Variants in CCDC148 observed in about 807,000 individuals in gnomAD.
CCDC148 encodes the protein coiled-coil domain containing 148, also known as coiled-coil domain-containing protein 148.
A neutral mutation model predicts 85.7 loss-of-function variants in CCDC148; 89 were observed. That is an observed-to-expected ratio of 1.04 (90% CI 0.87 to 1.24). The LOEUF is 1.24. Ranked by LOEUF, CCDC148 falls within the 50% of genes most tolerant of loss-of-function variation. The probability of loss-of-function intolerance (pLI) is 0.00; values close to 1 mark genes in which losing one functional copy is unlikely to be tolerated. For synonymous variants in CCDC148, 230 were observed against 213.9 expected (o/e 1.08, Z -0.66); for missense variants, 692 against 671.7 (o/e 1.03, Z -0.33).
chr2:158,222,576 C>G (rs72936022), intron 10 of CCDC148, among the ~76,000 whole-genome samples: 2 of 152,214 alleles, frequency 1.3e-5, no homozygotes, highest in Non-Finnish European at 2.9e-5. Flanking sequence ...CTTCAGAAAA[C>G]TATTTCCTTG....
intron 9 of CCDC148, among the ~76,000 whole-genome samples, chr2:158,289,894 A>G (rs1305998462): frequency 6.6e-6 from 1 of 152,258 alleles, no homozygotes; most frequent in Non-Finnish European, 1.5e-5. Flanking sequence ...GATGCCACAC[A>G]CAGTACGGTA....
intron 9 of CCDC148, among the ~76,000 whole-genome samples, chr2:158,277,752 A>G (rs549979443): frequency 6.6e-6 from 1 of 152,246 alleles, no homozygotes; most frequent in South Asian, 2.1e-4. Flanking sequence ...GCCCGCCATC[A>G]TGCCCAGCTA....
At chr2:158,336,816 T>C (rs1682410605) in intron 7 of CCDC148, among the ~76,000 whole-genome samples, 1 of 152,174 alleles carries the variant, frequency 6.6e-6, no homozygotes, top group African/African-American at 2.4e-5. Flanking sequence ...TACTTTGTCC[T>C]CAAGGGGTTT....
intron 1 of CCDC148, among the ~76,000 whole-genome samples, chr2:158,437,717 A>T (rs199707425): frequency 6.6e-6 from 1 of 152,202 alleles, no homozygotes. Flanking sequence ...ATAATTGTAT[A>T]TCTAGAAAAC....
intron 1 of CCDC148, among the ~76,000 whole-genome samples, chr2:158,426,202 G>A (rs949074329): frequency 1.3e-5 from 2 of 151,622 alleles, no homozygotes; most frequent in African/African-American, 4.8e-5. Context: ...ATTAAAGTTT[G>A]ATCAAAAGTT....
chr2:158,406,466 T>G (rs1207835410), intron 1 of CCDC148, among the ~76,000 whole-genome samples: 1 of 151,966 alleles, frequency 6.6e-6, no homozygotes, highest in African/African-American at 2.4e-5. Context: ...GAGCCATAAT[T>G]TGACATACAG....
At chr2:158,332,100 C>T (rs1005112366) in intron 7 of CCDC148, among the ~76,000 whole-genome samples, 12 of 152,112 alleles carry the variant, frequency 7.9e-5, no homozygotes, top group Non-Finnish European at 7.4e-5. Context: ...TCTTCCTAGC[C>T]TTGATGGTCT....
intron 1 of CCDC148, among the ~76,000 whole-genome samples, chr2:158,451,084 C>G (rs1239013804): frequency 6.6e-6 from 1 of 152,136 alleles, no homozygotes; most frequent in Non-Finnish European, 1.5e-5. Flanking sequence ...TGCTATGGAA[C>G]CCATACAGCA....
At chr2:158,323,752 G>T (rs951716469) in intron 7 of CCDC148, among the ~76,000 whole-genome samples, 3 of 151,800 alleles carry the variant, frequency 2.0e-5, no homozygotes, top group Non-Finnish European at 2.9e-5. Flanking sequence ...GTAAACTGAG[G>T]GTTAAAATCA....
intron 11 of CCDC148, among the ~76,000 whole-genome samples, chr2:158,195,507 T>C (rs1685627797): frequency 6.6e-6 from 1 of 152,176 alleles, no homozygotes; most frequent in Non-Finnish European, 1.5e-5. Context: ...TTTACGATAA[T>C]ACTTCCTGCT....
chr2:158,312,916 C>G (rs1394038065), intron 8 of CCDC148, among the ~76,000 whole-genome samples: 1 of 152,160 alleles, frequency 6.6e-6, no homozygotes, highest in East Asian at 1.9e-4. Flanking sequence ...CTCCCATCCA[C>G]TCTTACATGT....
chr2:158,345,124 T>C, intron 3 of CCDC148, 91 bp downstream of exon 3: 1 of 801,880 alleles, frequency 1.2e-6, no homozygotes, highest in Non-Finnish European at 1.9e-6. Flanking sequence ...TTATAATGGT[T>C]AATTAACATG....
rs375148961 is a variant in CCDC148, at chr2:158,274,612, A to G, written c.1111-23700T>C. 1.1e-3 allele frequency among the ~76,000 whole-genome samples: 170 copies of G among 152,280 alleles called. No homozygotes were observed. The South Asian group carries it at 0.011, about 10-fold the overall frequency. Reference sequence around the variant, plus strand: ...TGTAAGTCAGCCAACTATATTTCCTATGGATTTCATTCGGGGAGAGTAAAT... The same window carrying G: ...TGTAAGTCAGCCAACTATATTTCCTGTGGATTTCATTCGGGGAGAGTAAAT... On this transcript the variant is annotated intron_variant, in intron 9 of 13. Transcript: ENST00000283233.
At chr2:158,366,962 T>C (rs1373311787) in intron 1 of CCDC148, among the ~76,000 whole-genome samples, 1 of 152,216 alleles carries the variant, frequency 6.6e-6, no homozygotes, top group African/African-American at 2.4e-5. Context: ...TTAAGGTCCA[T>C]GACTTTTGGA....
chr2:158,176,910 T>TAA (rs1194559976), intron 12 of CCDC148, among the ~76,000 whole-genome samples: 1 of 152,156 alleles, frequency 6.6e-6, no homozygotes, highest in African/African-American at 2.4e-5. Context: ...AATGATTGAA[T>TAA]AATTATAATT....
rs75198048 is a variant in CCDC148 at position 158,204,094 on chromosome 2, T to C, written c.1370+16501A>G. Among the ~76,000 whole-genome samples, 30 of 152,330 alleles carry C rather than the reference T, an allele frequency of 2.0e-4. No homozygotes were observed. The East Asian group carries it at 5.8e-3, about 29-fold the overall frequency. On this transcript the variant is annotated intron_variant, in intron 11 of 13. Transcript: ENST00000283233. Reference sequence around the variant, plus strand: ...TAGTTAGATTCCTCTACTCAATGAATATTTATTGAGATTGAGTTACCTACA... The same window carrying C: ...TAGTTAGATTCCTCTACTCAATGAACATTTATTGAGATTGAGTTACCTACA...
rs1278490000 is a variant in CCDC148, at chr2:158,309,562, T to C, written c.981A>G (p.Lys327=). ...QQNILISNWN[K]NKKDFIQKAV... The stretch of plus-strand genomic sequence containing the variant: ...CCTTCTGTATAAAGTCTTTCTTATT[T>C]TTATTCCAATTTGATATCAGGATAT... The change falls in exon 9 of 14, where the codon AAA becomes AAG. Residue 327 remains lysine (K), a synonymous_variant. Coordinates refer to ENST00000283233, the MANE Select transcript of CCDC148 (RefSeq NM_138803.4). 6.2e-7 allele frequency: 1 copy of C among 1,613,752 alleles called. No homozygotes were observed. The highest frequency in any genetic ancestry group is 8.5e-7 in the Non-Finnish European group (1 of 1,179,748).
At chr2:158,297,837 G>A (rs1691261279) in intron 9 of CCDC148, among the ~76,000 whole-genome samples, 1 of 152,174 alleles carries the variant, frequency 6.6e-6, no homozygotes, top group Non-Finnish European at 1.5e-5. Flanking sequence ...CTGCCTTTGT[G>A]TGTGACCACA....
chr2:158,339,814 C>T (rs1312369704), intron 5 of CCDC148, among the ~76,000 whole-genome samples: 1 of 152,076 alleles, frequency 6.6e-6, no homozygotes, highest in Non-Finnish European at 1.5e-5. Flanking sequence ...TGTGACTGAG[C>T]TTTTATGGCA....
Sources: allele counts gnomAD v4.1 joint callset (sites outside exome capture counted in the v4.1 genomes callset), GRCh38; gene constraint gnomAD v4.1.1; transcripts MANE v1.5; gene names NCBI Gene and HGNC (gene_info 2026-07-23, HGNC 2026-07-21).